FUT8: variants seen among roughly 807,000 people sequenced by gnomAD.
FUT8 encodes the protein alpha-(1,6)-fucosyltransferase.
A neutral mutation model predicts 71.3 loss-of-function variants in FUT8; 29 were observed. The observed-to-expected ratio is 0.41, with a 90% CI of 0.30 to 0.55. FUT8 has a LOEUF of 0.55. FUT8 is among the 20% of genes least tolerant of loss of function. The probability of loss-of-function intolerance (pLI) is 0.34; values close to 1 mark genes in which losing one functional copy is unlikely to be tolerated. For missense variants in FUT8, 544 were observed against 702.1 expected (o/e 0.77, Z 2.55); for synonymous variants, 254 against 239.3 (o/e 1.06, Z -0.57).
intron 2 of FUT8, among the ~76,000 whole-genome samples, chr14:65,531,514 C>G (rs1320306753): frequency 6.6e-6 from 1 of 152,028 alleles, no homozygotes; most frequent in Non-Finnish European, 1.5e-5. Context: ...ATTTGGATAC[C>G]TCTGAAGAGA....
chr14:65,508,122 C>A (rs1882056305), intron 2 of FUT8, among the ~76,000 whole-genome samples: 1 of 140,088 alleles, frequency 7.1e-6, no homozygotes, highest in South Asian at 2.2e-4. Context: ...GGCTGGAGTG[C>A]AGTAGCATGA....
chr14:65,537,258 C>T (rs1028965076), intron 2 of FUT8, among the ~76,000 whole-genome samples: 14 of 151,942 alleles, frequency 9.2e-5, no homozygotes, highest in East Asian at 1.9e-4. Flanking sequence ...GTTGTTTCAG[C>T]CATGTCAGCC....
At chr14:65,625,814 A>G (rs1413948287) in intron 5 of FUT8, among the ~76,000 whole-genome samples, 2 of 152,232 alleles carry the variant, frequency 1.3e-5, no homozygotes, top group Non-Finnish European at 2.9e-5. Context: ...CTTTATTCAA[A>G]AGGGGCTATT....
At chr14:65,401,646 C>G in the FUT8 span, among the ~76,000 whole-genome samples, 2 of 152,008 alleles carry the variant, frequency 1.3e-5, no homozygotes, top group Non-Finnish European at 2.9e-5. Flanking sequence ...ACCTGTAATC[C>G]CAACACTTTG....
At chr14:65,646,247 T>G (rs1442937728) in intron 6 of FUT8, 1 of 152,170 alleles carries the variant, frequency 6.6e-6, no homozygotes, top group Non-Finnish European at 1.5e-5. Flanking sequence ...CTCAAGTTCC[T>G]AAGGGGTTCT....
At chr14:65,576,553 G>C (rs1199519808) in intron 3 of FUT8, among the ~76,000 whole-genome samples, 1 of 151,698 alleles carries the variant, frequency 6.6e-6, no homozygotes, top group Non-Finnish European at 1.5e-5. Context: ...TCCCAAGACA[G>C]GGTCTTGCTC....
Position 65,427,139 on chromosome 14 carries a change from G to A in FUT8, c.-326+13925G>A, listed in dbSNP as rs1184403453. On this transcript the variant is annotated intron_variant, in intron 1 of 10. Transcript: ENST00000673929. The stretch of plus-strand genomic sequence containing the variant: ...GGCCTCCTGAAGTGCTGGGATTACA[G>A]GCGTGAACCACCGCGCCTGGCCTAC... 3.3e-5 allele frequency among the ~76,000 whole-genome samples: 5 copies of A among 152,228 alleles called. No homozygotes were observed. The East Asian group carries it at 9.7e-4, about 29-fold the overall frequency.
Position 65,607,440 on chromosome 14 carries a change from A to G in FUT8, c.204-8538A>G, listed in dbSNP as rs1203699237. On this transcript the variant is annotated intron_variant, in intron 3 of 10. Transcript: ENST00000673929. This position sits in a 1 kb window ranked among gnomAD's most constrained non-coding sequence, Gnocchi z 4.1. ...TTTTATCTAATGATTTTTTGTTTCC[A>G]TTGAGATTGTAATTTTATTTTGTTT... Among the ~76,000 whole-genome samples, 5 of 151,944 alleles carry G rather than the reference A, an allele frequency of 3.3e-5. No individual in the cohort carries two copies. The East Asian group carries it at 9.6e-4, about 29-fold the overall frequency.
chr14:65,669,125 TTATC>T lies in FUT8; in HGVS notation c.598-114_598-111del, dbSNP rs1206715852. 17 of 711,698 alleles carry T rather than the reference TTATC, an allele frequency of 2.4e-5. No homozygotes were observed. The highest frequency in any genetic ancestry group is 3.2e-5 in the Non-Finnish European group (14 of 433,120). The allele number at this position is 711,698 out of a possible 1,614,324, so 44.1% of individuals were successfully genotyped here. On this transcript the variant is annotated intron_variant, in intron 6 of 10. Coordinates refer to ENST00000673929, the MANE Select transcript of FUT8 (RefSeq NM_001371533.1). This position sits in a 1 kb window ranked among gnomAD's most constrained non-coding sequence, Gnocchi z 4.5. ...TATACCAAACCCCACGACACACAAT[TTATC>T]TATAGAACAAACCTGCATGTGTACC... is the stretch of plus-strand genomic sequence containing the variant.
At chr14:65,378,215 ACCC>A in the FUT8 span, among the ~76,000 whole-genome samples, 79 of 152,324 alleles carry the variant, frequency 5.2e-4, no homozygotes, top group East Asian at 9.4e-3. Flanking sequence ...TTTAGGAGTC[ACCC>A]TACCAAGTGG....
In FUT8 at chr14:65,733,283, C is replaced by A; in HGVS notation, c.1312C>A (p.Leu438Met). The change falls in exon 10 of 11, where the codon CTG (leucine) becomes ATG (methionine). Residue 438 changes from leucine to methionine, a missense_variant. Leu to Met is a conservative substitution (Grantham distance 15). Transcript: ENST00000673929. ...SDNSISWSAG[L>M]HNRYTENSLR... The stretch of plus-strand genomic sequence containing the variant: ...TAACTCTATTTCCTGGTCAGCTGGA[C>A]TGCACAATCGATACACAGAAAATTC... 6.2e-7 allele frequency: 1 copy of A among 1,607,444 alleles called. No individual in the cohort carries two copies. Among genetic ancestry groups the A allele is most frequent in the Non-Finnish European group, 8.5e-7 (1 of 1,175,290 alleles).
At chr14:65,475,345 G>A (rs1238637730) in intron 2 of FUT8, among the ~76,000 whole-genome samples, 1 of 152,102 alleles carries the variant, frequency 6.6e-6, no homozygotes, top group African/African-American at 2.4e-5. Context: ...GTATTTGGGT[G>A]TTTGTATGGA....
chr14:65,455,311 A>G (rs185858573), intron 1 of FUT8, among the ~76,000 whole-genome samples: 1 of 152,354 alleles, frequency 6.6e-6, no homozygotes, highest in African/African-American at 2.4e-5. Context: ...TTATGTTAAA[A>G]GATAGACAAA....
chr14:65,655,553 A>G (rs1357402274), intron 6 of FUT8, among the ~76,000 whole-genome samples: 1 of 152,068 alleles, frequency 6.6e-6, no homozygotes, highest in Non-Finnish European at 1.5e-5. Flanking sequence ...AAACTAGCAG[A>G]GACAAAGGAA....
chr14:65,739,406 C>T (rs546618944), intron 10 of FUT8, among the ~76,000 whole-genome samples: 1 of 152,136 alleles, frequency 6.6e-6, no homozygotes, highest in Non-Finnish European at 1.5e-5. Context: ...CTGTTATCCA[C>T]CAAGGTTAAC....
intron 3 of FUT8, among the ~76,000 whole-genome samples, chr14:65,572,630 T>C (rs547536164): frequency 1.3e-5 from 2 of 151,994 alleles, no homozygotes; most frequent in South Asian, 2.1e-4. Context: ...TAGACTATAA[T>C]GTACATTCTC....
chr14:65,376,683 A>G, the FUT8 span, among the ~76,000 whole-genome samples: 5 of 152,020 alleles, frequency 3.3e-5, no homozygotes, highest in South Asian at 2.1e-4. Flanking sequence ...AAGTGCTGGG[A>G]TTACAGGCAT....
intron 3 of FUT8, among the ~76,000 whole-genome samples, chr14:65,596,030 A>G (rs1021131192): frequency 2.0e-5 from 3 of 152,236 alleles, no homozygotes; most frequent in African/African-American, 7.2e-5. Context: ...GCTAGGAAAT[A>G]TAAATTTATC....
intron 1 of FUT8, among the ~76,000 whole-genome samples, chr14:65,450,311 G>A (rs1461065813): frequency 1.3e-5 from 2 of 152,048 alleles, no homozygotes; most frequent in Non-Finnish European, 2.9e-5. Flanking sequence ...TTATTTTAAA[G>A]TCTAACATTT....
Sources: allele counts gnomAD v4.1 joint callset (sites outside exome capture counted in the v4.1 genomes callset), GRCh38; gene constraint gnomAD v4.1.1; non-coding constraint Gnocchi (gnomAD v3.1); transcripts MANE v1.5; gene names NCBI Gene and HGNC (gene_info 2026-07-23, HGNC 2026-07-21).